The following ITGB5 variants were observed in gnomAD, a reference collection of about 807,000 sequenced individuals.
ITGB5 encodes integrin subunit beta 5.
A neutral mutation model predicts 84.8 loss-of-function variants in ITGB5; 38 were observed. The ratio of observed to expected loss-of-function variants is 0.45; its 90% CI spans 0.35 to 0.59. The LOEUF is 0.59. ITGB5 is among the 20% of genes least tolerant of loss of function. ITGB5 has a pLI of 0.01. For missense variants in ITGB5, 905 were observed against 1,034.5 expected (o/e 0.87, Z 1.72); for synonymous variants, 393 against 414.4 (o/e 0.95, Z 0.63).
intron 1 of ITGB5, 88 bp downstream of exon 1, chr3:124,886,843 C>T: frequency 2.4e-6 from 2 of 840,866 alleles, no homozygotes; most frequent in Non-Finnish European, 1.5e-6. Flanking sequence ...CCTCAGGCAC[C>T]GCCTGCGCTC....
chr3:124,823,185 C>G (rs1044683084), intron 5 of ITGB5, among the ~76,000 whole-genome samples: 6 of 152,058 alleles, frequency 3.9e-5, no homozygotes, highest in Non-Finnish European at 7.4e-5. Flanking sequence ...ATCACTTGAG[C>G]CCAGGAGTTT....
At chr3:124,889,066 A>C (rs1314934730), upstream of ITGB5, among the ~76,000 whole-genome samples, 2 of 152,204 alleles carry the variant, frequency 1.3e-5, no homozygotes, top group African/African-American at 4.8e-5. Context: ...CGTGTCAGGC[A>C]AACCTGCCTC....
chr3:124,813,023 G>T (rs146703208), intron 8 of ITGB5, among the ~76,000 whole-genome samples: 2 of 152,182 alleles, frequency 1.3e-5, no homozygotes, highest in African/African-American at 4.8e-5. Flanking sequence ...AACACAAGCG[G>T]TCTGGAGAGA....
intron 3 of ITGB5, among the ~76,000 whole-genome samples, chr3:124,848,977 A>G (rs1025054777): frequency 2.0e-5 from 3 of 151,976 alleles, no homozygotes; most frequent in African/African-American, 7.3e-5. Context: ...ACGGGGTTTC[A>G]CTATGTTGAC....
At chr3:124,881,805 T>TA (rs138016814) in intron 1 of ITGB5, among the ~76,000 whole-genome samples, 23,083 of 151,922 alleles carry the variant, frequency 0.15, 2,147 homozygotes, top group South Asian at 0.22. Flanking sequence ...CCATCTCTAC[T>TA]AAAAATTAAA....
intron 10 of ITGB5, among the ~76,000 whole-genome samples, chr3:124,775,446 G>C (rs1425149247): frequency 6.6e-6 from 1 of 152,072 alleles, no homozygotes; most frequent in Non-Finnish European, 1.5e-5. Context: ...GAGCGTGCTG[G>C]ACTGTGAAAA....
chr3:124,772,870 G>A (rs1411690262), intron 11 of ITGB5, among the ~76,000 whole-genome samples: 1 of 151,568 alleles, frequency 6.6e-6, no homozygotes. Flanking sequence ...AGTGGTTTCT[G>A]GCATGCCTTA....
intron 3 of ITGB5, among the ~76,000 whole-genome samples, chr3:124,849,717 G>A (rs2065126925): frequency 6.6e-6 from 1 of 152,142 alleles, no homozygotes; most frequent in African/African-American, 2.4e-5. Flanking sequence ...AGAAAAGCTA[G>A]TGTCTGGCAG....
chr3:124,880,990 G>C (rs1158059028), intron 1 of ITGB5, among the ~76,000 whole-genome samples: 2 of 151,432 alleles, frequency 1.3e-5, no homozygotes, highest in African/African-American at 4.9e-5. Context: ...AAGTTTGTTT[G>C]TTTGTTTGTT....
At chr3:124,803,627 G>A (rs1312094206) in intron 9 of ITGB5, among the ~76,000 whole-genome samples, 1 of 152,192 alleles carries the variant, frequency 6.6e-6, no homozygotes, top group Non-Finnish European at 1.5e-5. Flanking sequence ...GGTGAGCTGG[G>A]GCAAGTCACG....
chr3:124,865,140 G>A (rs1347601808), intron 2 of ITGB5, among the ~76,000 whole-genome samples: 1 of 152,182 alleles, frequency 6.6e-6, no homozygotes, highest in Non-Finnish European at 1.5e-5. Context: ...CAAATTCAGA[G>A]ATCTGTTACC....
chr3:124,864,614 A>T (rs2065358889), intron 2 of ITGB5, among the ~76,000 whole-genome samples: 2 of 152,170 alleles, frequency 1.3e-5, no homozygotes, highest in Non-Finnish European at 2.9e-5. Flanking sequence ...AACAACAGAT[A>T]CTGTGAACTA....
At chr3:124,795,175 A>G (rs2064204313) in intron 10 of ITGB5, among the ~76,000 whole-genome samples, 1 of 152,136 alleles carries the variant, frequency 6.6e-6, no homozygotes, top group Non-Finnish European at 1.5e-5. Flanking sequence ...AGTTATTGAG[A>G]AACAAGTTTC....
At chr3:124,857,362 A>C (rs2065233967) in intron 3 of ITGB5, 1 of 152,230 alleles carries the variant, frequency 6.6e-6, no homozygotes, top group Admixed American at 6.5e-5. Context: ...CTGATACAAA[A>C]AGTCCATTTA....
Position 124,887,323 on chromosome 3 carries a change from G to A in ITGB5, c.-323C>T, listed in dbSNP as rs1442752580. On this transcript the variant is annotated 5_prime_UTR_variant, in exon 1 of 15. Transcript: ENST00000296181. ...TCGGCGGCCGCGACTTGGGCTCCGA[G>A]ACGCGCCCAGCGCCGAGACTCCCCC... is the stretch of plus-strand genomic sequence containing the variant. 1.3e-5 allele frequency: 2 copies of A among 153,566 alleles called. No individual in the cohort carries two copies. Among genetic ancestry groups the A allele is most frequent in the East Asian group, 3.9e-4 (2 of 5,192 alleles). 9.5% of individuals were successfully genotyped at this position (153,566 alleles called of 1,614,324 possible).
chr3:124,857,648 C>T (rs561005596), intron 3 of ITGB5, among the ~76,000 whole-genome samples: 5 of 152,280 alleles, frequency 3.3e-5, no homozygotes, highest in South Asian at 2.1e-4. Context: ...TTCCCAATAG[C>T]GTAATACTTT....
intron 1 of ITGB5, among the ~76,000 whole-genome samples, chr3:124,881,552 A>C (rs1405948412): frequency 4.6e-5 from 7 of 152,138 alleles, no homozygotes; most frequent in Admixed American, 4.6e-4. Flanking sequence ...AGATCAGAGG[A>C]CTTGTTCTGT....
chr3:124,885,667 G>T lies in ITGB5; in HGVS notation c.70+1264C>A, dbSNP rs554154882. Among the ~76,000 whole-genome samples the T allele has an allele frequency of 1.2e-4, 18 of 152,334 alleles. No individual in the cohort carries two copies. In the East Asian group the frequency reaches 3.5e-3, roughly 29 times the overall value. On this transcript the variant is annotated intron_variant, in intron 1 of 14. Transcript: ENST00000296181. ...CTTCCTGCTCCTCGCTTTCCCTAGG[G>T]ACCCATGAAAATATCCGTGATGGGC...
intron 1 of ITGB5, among the ~76,000 whole-genome samples, chr3:124,886,350 G>C (rs1461915969): frequency 2.0e-5 from 3 of 152,126 alleles, no homozygotes; most frequent in Admixed American, 6.5e-5. Flanking sequence ...GCGGGGGGCG[G>C]GGAGGGTGGG....
Sources: gnomAD v4.1 joint callset for allele counts (sites outside exome capture counted in the v4.1 genomes callset) on GRCh38, gnomAD v4.1.1 for gene constraint, MANE v1.5 for transcripts, NCBI Gene and HGNC (gene_info 2026-07-23, HGNC 2026-07-21) for gene names.